APLF: variants seen among roughly 807,000 people sequenced by gnomAD.
The protein encoded by APLF is aprataxin and PNKP like factor.
In APLF, 61 loss-of-function variants were observed where a neutral mutation model predicts 55.6. The ratio of observed to expected loss-of-function variants is 1.10; its 90% confidence interval spans 0.89 to 1.36. APLF has a LOEUF of 1.36. Among genes scored for constraint, APLF ranks in the 40% most tolerant of loss-of-function variants. The pLI is 0.00. For synonymous variants in APLF, 207 were observed against 214.8 expected (o/e 0.96, Z 0.32); for missense variants, 611 against 602.5 (o/e 1.01, Z -0.15).
chr2:68,568,372 T>C (rs1210934981), intron 9 of APLF: 2 of 911,052 alleles, frequency 2.2e-6, no homozygotes. Context: ...AAGTAAATGA[T>C]TTCACTGTAA....
intron 2 of APLF, among the ~76,000 whole-genome samples, chr2:68,501,524 C>G (rs1224819910): frequency 1.3e-5 from 2 of 151,896 alleles, no homozygotes; most frequent in Non-Finnish European, 2.9e-5. Flanking sequence ...TGACAAAATG[C>G]CTATTTGACT....
At chr2:68,517,111 A>G (rs575901767) in intron 5 of APLF, among the ~76,000 whole-genome samples, 27 of 124,736 alleles carry the variant, frequency 2.2e-4, no homozygotes, top group African/African-American at 8.3e-4. Flanking sequence ...ACTAATATAT[A>G]ATAATACGTT....
chr2:68,481,789 C>T (rs1448986878), intron 1 of APLF, among the ~76,000 whole-genome samples: 2 of 152,044 alleles, frequency 1.3e-5, no homozygotes, highest in Non-Finnish European at 2.9e-5. Context: ...CGGTTTTCTT[C>T]ATTCTAGTAT....
chr2:68,471,544 C>T (rs764218413), intron 1 of APLF, among the ~76,000 whole-genome samples: 2 of 151,928 alleles, frequency 1.3e-5, no homozygotes, highest in African/African-American at 2.4e-5. Flanking sequence ...TTGGAGTAAG[C>T]GAAGTGGGAG....
chr2:68,578,478 C>T lies in APLF; in HGVS notation c.*456C>T, dbSNP rs988733498. The T allele has an allele frequency of 9.1e-6, 9 of 987,092 alleles. No homozygotes were observed. The highest frequency in any genetic ancestry group is 9.6e-6 in the Non-Finnish European group (8 of 831,306). The allele number at this position is 987,092 out of a possible 1,614,324, so 61.1% of individuals were successfully genotyped here. A position where few individuals can be genotyped will look rare whatever the true frequency, so the allele number is the denominator to read the frequency against. On this transcript the variant is annotated 3_prime_UTR_variant, in exon 10 of 10. Coordinates refer to ENST00000303795, the MANE Select transcript of APLF (RefSeq NM_173545.3). ...AGAACCAGGCTTTAAAAAATGCAGC[C>T]ATTACATAATGGCGTTTTTTTTCTA...
chr2:68,577,462 G>A (rs1671655532), intron 9 of APLF, among the ~76,000 whole-genome samples: 1 of 152,130 alleles, frequency 6.6e-6, no homozygotes, highest in African/African-American at 2.4e-5. Context: ...ATTTCTTTGA[G>A]CAATCACTGA....
chr2:68,489,736 C>T (rs1676296048), intron 1 of APLF, among the ~76,000 whole-genome samples: 1 of 152,226 alleles, frequency 6.6e-6, no homozygotes, highest in Non-Finnish European at 1.5e-5. Context: ...AGCCTATAGT[C>T]AGACCCTTTT....
chr2:68,522,610 C>A (rs764150537), intron 5 of APLF, among the ~76,000 whole-genome samples: 12 of 151,688 alleles, frequency 7.9e-5, no homozygotes, highest in Non-Finnish European at 1.3e-4. Context: ...CTGATCTGGG[C>A]CTGATGCCTG....
intron 7 of APLF, among the ~76,000 whole-genome samples, chr2:68,542,948 G>A (rs1364918467): frequency 6.6e-6 from 1 of 152,120 alleles, no homozygotes; most frequent in Non-Finnish European, 1.5e-5. Flanking sequence ...ACATATGATG[G>A]AATATTATTC....
chr2:68,485,325 A>G (rs113659037), intron 1 of APLF, among the ~76,000 whole-genome samples: 1 of 152,028 alleles, frequency 6.6e-6, no homozygotes, highest in East Asian at 1.9e-4. Flanking sequence ...GTGTCCCACA[A>G]TTTTTGTTTT....
At chr2:68,518,773 T>C (rs1388267045) in intron 5 of APLF, among the ~76,000 whole-genome samples, 1 of 105,284 alleles carries the variant, frequency 9.5e-6, no homozygotes, top group Non-Finnish European at 1.7e-5. Flanking sequence ...ATTAATAATA[T>C]ATCATTATAT....
At chr2:68,492,210 G>A (rs544641314) in intron 2 of APLF, among the ~76,000 whole-genome samples, 1 of 152,218 alleles carries the variant, frequency 6.6e-6, no homozygotes, top group African/African-American at 2.4e-5. Flanking sequence ...TGGGCGCGGT[G>A]GCTCACGTCT....
chr2:68,528,222 G>A (rs573331311), intron 6 of APLF: 45 of 1,095,666 alleles, frequency 4.1e-5, no homozygotes, highest in Middle Eastern at 2.9e-4. Flanking sequence ...GATTACAGGC[G>A]TGGGCCACCA....
chr2:68,525,334 AC>A (rs1670006119), intron 5 of APLF, among the ~76,000 whole-genome samples: 1 of 151,906 alleles, frequency 6.6e-6, no homozygotes, highest in Non-Finnish European at 1.5e-5. Context: ...TTAATTCCTC[AC>A]TGTGGATGTT....
chr2:68,499,371 A>G (rs1366726020), intron 2 of APLF, among the ~76,000 whole-genome samples: 1 of 152,220 alleles, frequency 6.6e-6, no homozygotes, highest in Non-Finnish European at 1.5e-5. Context: ...AACTTGTCTC[A>G]TTGAAGCAGT....
At chr2:68,489,366 G>A (rs1676284155) in intron 1 of APLF, among the ~76,000 whole-genome samples, 1 of 152,144 alleles carries the variant, frequency 6.6e-6, no homozygotes, top group East Asian at 1.9e-4. Flanking sequence ...AGGTAGTTAT[G>A]GTGTTATTGA....
At chr2:68,553,482 T>C (rs911241590) in intron 8 of APLF, among the ~76,000 whole-genome samples, 2 of 151,594 alleles carry the variant, frequency 1.3e-5, no homozygotes, top group African/African-American at 4.8e-5. Flanking sequence ...TGAAGTATAT[T>C]ATTTTTATTA....
At chr2:68,518,508 TTAA>T (rs1414339801) in intron 5 of APLF, among the ~76,000 whole-genome samples, 1 of 117,056 alleles carries the variant, frequency 8.5e-6, no homozygotes, top group Non-Finnish European at 1.6e-5. Flanking sequence ...TATAATAATG[TTAA>T]TATATTATTA....
chr2:68,479,681 GA>G (rs1230476803), intron 1 of APLF, among the ~76,000 whole-genome samples: 1 of 152,110 alleles, frequency 6.6e-6, no homozygotes, highest in African/African-American at 2.4e-5. Flanking sequence ...ACAAATGGTG[GA>G]ATAAGATTGG....
Sources: allele counts gnomAD v4.1 joint callset (sites outside exome capture counted in the v4.1 genomes callset), GRCh38; gene constraint gnomAD v4.1.1; transcripts MANE v1.5; gene names NCBI Gene and HGNC (gene_info 2026-07-23, HGNC 2026-07-21).